ARVCF: variants seen among roughly 807,000 people sequenced by gnomAD.
ARVCF encodes splicing regulator ARVCF.
In ARVCF, 66 loss-of-function variants were observed where a neutral mutation model predicts 90.9. That is an observed-to-expected ratio of 0.73 (90% confidence interval 0.60 to 0.89). ARVCF has a LOEUF of 0.89. Among genes scored for constraint, ARVCF ranks in the 40% least tolerant of loss-of-function variants. The pLI is 0.00. For synonymous variants in ARVCF, 653 were observed against 603.4 expected (o/e 1.08, Z -1.21); for missense variants, 1,469 against 1,382.3 (o/e 1.06, Z -1.00).
At chr22:19,995,841 C>G (rs1343735889) in intron 2 of ARVCF, among the ~76,000 whole-genome samples, 3 of 152,142 alleles carry the variant, frequency 2.0e-5, no homozygotes, top group African/African-American at 7.2e-5. Flanking sequence ...CTCCCATACC[C>G]CCTTTCCCCT....
intron 3 of ARVCF, chr22:19,987,197 G>C (rs1035318791): frequency 3.3e-5 from 13 of 397,950 alleles, no homozygotes; most frequent in African/African-American, 1.9e-4. Flanking sequence ...CGGCGGACTC[G>C]CTCCCCGCGG....
chr22:20,001,018 A>G (rs555779192), intron 2 of ARVCF, among the ~76,000 whole-genome samples: 1 of 152,300 alleles, frequency 6.6e-6, no homozygotes, highest in South Asian at 2.1e-4. Flanking sequence ...CAGCTGCCCC[A>G]CAGGCACACG....
downstream of ARVCF, chr22:19,968,479 G>C: frequency 6.4e-7 from 1 of 1,550,564 alleles, no homozygotes; most frequent in Middle Eastern, 2.0e-4. Context: ...CTGGTTTGGG[G>C]CAGGTTCTCT....
chr22:19,998,446 G>C (rs1336067181), intron 2 of ARVCF, among the ~76,000 whole-genome samples: 1 of 152,188 alleles, frequency 6.6e-6, no homozygotes, highest in African/African-American at 2.4e-5. Flanking sequence ...CCCCCTCCCA[G>C]GTTTCGGAGC....
At chr22:20,001,536 G>A (rs1447051452) in intron 2 of ARVCF, among the ~76,000 whole-genome samples, 2 of 152,210 alleles carry the variant, frequency 1.3e-5, no homozygotes, top group East Asian at 3.8e-4. Context: ...GGGCACGATG[G>A]CTCATACCTA....
At position 19,973,289 on chromosome 22, in the gene ARVCF, C is replaced by T. The variant is rs1462057431; in HGVS notation, c.2268G>A (p.Arg756=). The part of the protein sequence containing the change: ...IGSYAMAELV[R]NVRNAQAPPR... ...GCGGAGCCTGTGCATTGCGCACATTCCGCACAAGCTCAGCCATGGCGTAGC... is the reference window on the plus strand; with the variant it reads ...GCGGAGCCTGTGCATTGCGCACATTTCGCACAAGCTCAGCCATGGCGTAGC... The change falls in exon 14 of 20, where the codon CGG becomes CGA. Residue 756 remains arginine, a synonymous_variant. Transcript: ENST00000263207. The T allele has an allele frequency of 1.2e-6, 2 of 1,605,372 alleles. No homozygotes were observed. Among genetic ancestry groups the T allele is most frequent in the South Asian group, 1.1e-5 (1 of 90,144 alleles).
At chr22:19,976,765 G>C in intron 9 of ARVCF, 42 bp from the exon 10 acceptor site, 1 of 1,553,834 alleles carries the variant, frequency 6.4e-7, no homozygotes, top group Non-Finnish European at 8.7e-7. Flanking sequence ...AGAGGAGCCT[G>C]AACAGGCAGC....
At chr22:19,971,093 G>A (rs773375340) in intron 19 of ARVCF, 123 bp downstream of exon 19, 83 of 1,492,064 alleles carry the variant, frequency 5.6e-5, no homozygotes, top group Non-Finnish European at 6.6e-5. Flanking sequence ...CTGCTGGACT[G>A]GAGGCCAAAG....
chr22:20,002,296 C>A (rs1245929261), intron 2 of ARVCF, among the ~76,000 whole-genome samples: 1 of 152,142 alleles, frequency 6.6e-6, no homozygotes, highest in African/African-American at 2.4e-5. Context: ...CTCTGACCTG[C>A]GGGCTGTGCT....
At position 20,016,737 on chromosome 22, in the gene ARVCF, C is replaced by G. The variant is rs1308433284; in HGVS notation, c.-221G>C. On this transcript the variant is annotated 5_prime_UTR_variant, in exon 1 of 20. Transcript: ENST00000263207. The stretch of plus-strand genomic sequence containing the variant: ...CAGTCCACGCGGCCGCAACTCGGAC[C>G]GGTGCGGGGGCCGCCCCCTCCCTCC... 4 of 151,238 alleles carry G rather than the reference C, an allele frequency of 2.6e-5. No homozygotes were observed. The highest frequency in any genetic ancestry group is 9.7e-5 in the African/African-American group (4 of 41,302). 9.4% of individuals were successfully genotyped at this position (151,238 alleles called of 1,614,324 possible).
chr22:20,013,325 G>A (rs989424286), intron 1 of ARVCF, among the ~76,000 whole-genome samples: 1 of 152,226 alleles, frequency 6.6e-6, no homozygotes, highest in Non-Finnish European at 1.5e-5. Flanking sequence ...CACTTTTGGG[G>A]CTACGCAGGC....
chr22:20,015,809 G>A (rs2146535618), intron 1 of ARVCF, among the ~76,000 whole-genome samples: 2 of 152,368 alleles, frequency 1.3e-5, no homozygotes, highest in Middle Eastern at 6.8e-3. Context: ...TGTAGGGAAA[G>A]GGAGCTGAAG....
chr22:20,011,010 C>T (rs1601688513), intron 1 of ARVCF, among the ~76,000 whole-genome samples: 2 of 152,364 alleles, frequency 1.3e-5, no homozygotes, highest in Middle Eastern at 3.4e-3. Flanking sequence ...GGCAGCTGCC[C>T]CCAACAGTCT....
At position 19,974,204 on chromosome 22, in the gene ARVCF, G is replaced by A; in HGVS notation, c.1996C>T (p.Leu666Phe). ...CTCTCCGTGAGGAGGGAGAGGTAGA[G>A]ACGTACCACCTCGGGCTGGTACAGC... ...ELLYQPEVVR[L>F]YLSLLTESRN... is the part of the protein sequence containing the mutation. Residue 666 changes from leucine to phenylalanine, a missense_variant, in exon 12 of 20, where the codon CTC (leucine) becomes TTC (phenylalanine). By Grantham distance (22) the Leu-to-Phe change is conservative. Transcript: ENST00000263207. 1 of 1,612,662 alleles carries A rather than the reference G, an allele frequency of 6.2e-7. No homozygotes were observed. The highest frequency in any genetic ancestry group is 1.1e-5 in the South Asian group (1 of 91,044).
chr22:19,978,182 C>A, intron 7 of ARVCF, 107 bp from the exon 8 acceptor site: 4 of 979,808 alleles, frequency 4.1e-6, no homozygotes, highest in Non-Finnish European at 6.0e-6. Context: ...CCTGCTGCTG[C>A]CCTCCTAGCA....
At position 19,978,931 on chromosome 22, in the gene ARVCF, T is replaced by C. The variant is rs1407301434; in HGVS notation, c.1546A>G (p.Thr516Ala). 1.9e-6 allele frequency: 3 copies of C among 1,613,030 alleles called. No individual in the cohort carries two copies. The highest frequency in any genetic ancestry group is 2.5e-6 in the Non-Finnish European group (3 of 1,179,756). ...EDSKPRDAEW[T>A]TVFKNTSGCL... ...CCCGACGTGTTCTTGAAGACAGTTG[T>C]CCACTCGGCGTCCCGTGGCTTGGAG... Residue 516 changes from threonine (T) to alanine (A), a missense_variant, in exon 7 of 20, where the codon ACA (threonine) becomes GCA (alanine). Transcript: ENST00000263207.
At chr22:20,011,229 A>C (rs1944817744) in intron 1 of ARVCF, among the ~76,000 whole-genome samples, 1 of 152,172 alleles carries the variant, frequency 6.6e-6, no homozygotes. Context: ...TGTCTCAGCT[A>C]ATGGCCCCGG....
chr22:19,980,966 C>T lies in ARVCF; in HGVS notation c.896+245G>A. 1.0e-5 allele frequency: 5 copies of T among 501,552 alleles called. No individual in the cohort carries two copies. The South Asian group carries it at 1.8e-4, about 18-fold the overall frequency. The allele number at this position is 501,552 out of a possible 1,614,324, so 31.1% of individuals were successfully genotyped here. A position where few individuals can be genotyped will look rare whatever the true frequency, so the allele number is the denominator to read the frequency against. ...CTGGTTACCCAGAGTGTGGCTGGAG[C>T]AAGGCCAGTGGCCGGCACTCTTCCC... On this transcript the variant is annotated intron_variant, in intron 5 of 19. Transcript: ENST00000263207.
At chr22:20,012,898 A>G (rs1944888008) in intron 1 of ARVCF, among the ~76,000 whole-genome samples, 1 of 152,230 alleles carries the variant, frequency 6.6e-6, no homozygotes, top group Non-Finnish European at 1.5e-5. Flanking sequence ...CCATGGGTAC[A>G]CACTGGGCCC....
Sources: allele counts gnomAD v4.1 joint callset (sites outside exome capture counted in the v4.1 genomes callset), GRCh38; gene constraint gnomAD v4.1.1; transcripts MANE v1.5; gene names NCBI Gene and HGNC (gene_info 2026-07-23, HGNC 2026-07-21).